The following OSBPL10 variants were observed in gnomAD, a reference collection of about 807,000 sequenced individuals.
The protein encoded by OSBPL10 is oxysterol-binding protein-related protein 10.
Under a neutral mutation model 81.7 loss-of-function variants are expected in OSBPL10, and 49 were observed. The observed-to-expected ratio is 0.60, with a 90% CI of 0.48 to 0.76. The LOEUF (loss-of-function observed/expected upper bound fraction) is 0.76, where lower values mean the gene tolerates loss of function less well. OSBPL10 is among the 30% of genes least tolerant of loss of function. The pLI is 0.00. For missense variants in OSBPL10, 923 were observed against 987.8 expected (o/e 0.93, Z 0.88); for synonymous variants, 419 against 383.6 (o/e 1.09, Z -1.08).
intron 3 of OSBPL10, among the ~76,000 whole-genome samples, chr3:31,854,072 CTG>C (rs1559492739): frequency 2.0e-5 from 3 of 151,766 alleles, no homozygotes; most frequent in Non-Finnish European, 4.4e-5. Context: ...GTTCATCTAT[CTG>C]TATAAAATAT....
At chr3:31,955,156 CAGACA>C (rs1224777928) in intron 1 of OSBPL10, among the ~76,000 whole-genome samples, 2 of 152,064 alleles carry the variant, frequency 1.3e-5, no homozygotes, top group Admixed American at 6.5e-5. Context: ...GTGAGCTGCT[CAGACA>C]AAAGAAAAAA....
At chr3:31,756,316 C>T (rs1018527984) in intron 4 of OSBPL10, among the ~76,000 whole-genome samples, 2 of 152,166 alleles carry the variant, frequency 1.3e-5, no homozygotes, top group African/African-American at 2.4e-5. Context: ...TGAGAAGGTT[C>T]CTTCCTTTCC....
At chr3:31,812,818 G>GAAAGAAAGAAAGAAAGAAAGAAAGAGAA (rs1223174164) in intron 4 of OSBPL10, among the ~76,000 whole-genome samples, 3 of 25,902 alleles carry the variant, frequency 1.2e-4, no homozygotes, top group Admixed American at 5.5e-4. Context: ...AAGAAAGAAA[G>GAAAGAAAGAAAGAAAGAAAGAAAGAGAA]AGAAAGAAAG....
At chr3:31,930,656 C>A (rs928974014) in intron 1 of OSBPL10, among the ~76,000 whole-genome samples, 1 of 152,078 alleles carries the variant, frequency 6.6e-6, no homozygotes, top group Non-Finnish European at 1.5e-5. Flanking sequence ...AGCCTTTTAT[C>A]TCCTTCTATG....
chr3:31,719,717 C>T (rs546542301), intron 6 of OSBPL10, among the ~76,000 whole-genome samples: 34 of 151,942 alleles, frequency 2.2e-4, no homozygotes, highest in Non-Finnish European at 3.8e-4. Context: ...ATTCCACTGC[C>T]GGAAAGTTTC....
chr3:31,961,424 C>T (rs1346201055), intron 1 of OSBPL10, among the ~76,000 whole-genome samples: 3 of 152,030 alleles, frequency 2.0e-5, no homozygotes, highest in Non-Finnish European at 4.4e-5. Context: ...TGTAAAGTAT[C>T]ATTAAAAAGG....
chr3:31,949,164 A>T (rs906689927), intron 1 of OSBPL10, among the ~76,000 whole-genome samples: 3 of 152,164 alleles, frequency 2.0e-5, no homozygotes, highest in African/African-American at 7.2e-5. Flanking sequence ...CCCAATGCAA[A>T]TCTGCCTCAA....
At chr3:31,711,952 GCC>G (rs1696269239) in intron 6 of OSBPL10, among the ~76,000 whole-genome samples, 1 of 152,170 alleles carries the variant, frequency 6.6e-6, no homozygotes, top group Non-Finnish European at 1.5e-5. Flanking sequence ...GGAAGGGCGT[GCC>G]CAGGGTGATC....
chr3:31,900,588 T>G (rs984157765), intron 1 of OSBPL10, among the ~76,000 whole-genome samples: 2 of 152,276 alleles, frequency 1.3e-5, no homozygotes, highest in African/African-American at 4.8e-5. Flanking sequence ...CCAAAGGCAC[T>G]GCAGTCAGTT....
chr3:31,937,523 A>G (rs1575046503), intron 1 of OSBPL10, among the ~76,000 whole-genome samples: 1 of 152,048 alleles, frequency 6.6e-6, no homozygotes, highest in South Asian at 2.1e-4. Context: ...CCAGCAGGGG[A>G]GCTAGAAGAA....
At chr3:31,700,265 T>A (rs1695852085) in intron 7 of OSBPL10, 2 of 152,194 alleles carry the variant, frequency 1.3e-5, no homozygotes. Flanking sequence ...TGCAAAACAA[T>A]CATATTCTAA....
At chr3:32,060,541 C>T (rs1163011090) in intron 1 of OSBPL10, among the ~76,000 whole-genome samples, 1 of 151,952 alleles carries the variant, frequency 6.6e-6, no homozygotes, top group Non-Finnish European at 1.5e-5. Flanking sequence ...CCTTTATTCT[C>T]CCAGAGCAAT....
Position 31,993,369 on chromosome 3 carries a change from C to T in OSBPL10, n.298+53122G>A, listed in dbSNP as rs111811146. Among the ~76,000 whole-genome samples, 1,324 of 151,796 alleles carry T rather than the reference C, an allele frequency of 8.7e-3. 26 individuals are homozygous for T. Among genetic ancestry groups the T allele is most frequent in the African/African-American group, 0.03 (1,232 of 41,276 alleles). ...GATTACAGGCATGCGCCACCATGCC[C>T]GGCTAATTTTGTATTTTTAGTAGAG... On this transcript the variant is annotated intron_variant and non_coding_transcript_variant, in intron 2 of 3. Coordinates refer to the OSBPL10 transcript ENST00000479173.
chr3:31,730,032 C>T (rs949016360), intron 6 of OSBPL10, among the ~76,000 whole-genome samples: 1 of 152,156 alleles, frequency 6.6e-6, no homozygotes, highest in Admixed American at 6.5e-5. Flanking sequence ...TCTCTCCAAT[C>T]GAGAAAGTGG....
At chr3:31,838,462 G>C (rs1300491136) in intron 3 of OSBPL10, among the ~76,000 whole-genome samples, 1 of 137,972 alleles carries the variant, frequency 7.2e-6, no homozygotes, top group African/African-American at 2.8e-5. Context: ...AGTGAGCCGA[G>C]ATCACGAGAC....
intron 1 of OSBPL10, among the ~76,000 whole-genome samples, chr3:31,907,600 C>A (rs1217819918): frequency 8.6e-6 from 1 of 115,694 alleles, no homozygotes; most frequent in Non-Finnish European, 1.6e-5. Flanking sequence ...GCACTCCAGC[C>A]TGGGTGAGAC....
intron 1 of OSBPL10, among the ~76,000 whole-genome samples, chr3:31,901,737 A>G (rs1696249056): frequency 6.6e-6 from 1 of 152,212 alleles, no homozygotes; most frequent in Admixed American, 6.5e-5. Flanking sequence ...GGTATCTAGC[A>G]CAAATGCCTG....
chr3:32,030,348 A>G, intron 2 of OSBPL10: 1 of 524,096 alleles, frequency 1.9e-6, no homozygotes, highest in Non-Finnish European at 3.6e-6. Flanking sequence ...TTCAAAAAGG[A>G]ATGCCCCACA....
chr3:31,738,489 G>A (rs1004418839), intron 5 of OSBPL10, among the ~76,000 whole-genome samples: 17 of 152,074 alleles, frequency 1.1e-4, no homozygotes, highest in African/African-American at 4.1e-4. Flanking sequence ...AAATTTGGAG[G>A]GGGTTGGGGA....
Sources: gnomAD v4.1 joint callset for allele counts (sites outside exome capture counted in the v4.1 genomes callset) on GRCh38, gnomAD v4.1.1 for gene constraint, MANE v1.5 for transcripts, NCBI Gene and HGNC (gene_info 2026-07-23, HGNC 2026-07-21) for gene names.